The following DOCK2 variants were observed in gnomAD, a reference collection of about 807,000 sequenced individuals.
DOCK2 encodes dedicator of cytokinesis protein 2.
Under a neutral mutation model 248.9 loss-of-function variants are expected in DOCK2, and 87 were observed. The ratio of observed to expected loss-of-function variants is 0.35; its 90% CI spans 0.29 to 0.42. DOCK2 has a LOEUF of 0.42. Ranked by LOEUF, DOCK2 falls within the 10% of genes least tolerant of loss-of-function variation. The pLI, the probability that DOCK2 is intolerant of heterozygous loss-of-function variation, is 1.00. For synonymous variants in DOCK2, 805 were observed against 821.6 expected (o/e 0.98, Z 0.35); for missense variants, 1,747 against 2,300.2 (o/e 0.76, Z 4.92).
At chr5:169,750,781 A>G (rs1402049506) in intron 23 of DOCK2, among the ~76,000 whole-genome samples, 5 of 152,188 alleles carry the variant, frequency 3.3e-5, no homozygotes, top group African/African-American at 7.2e-5. Flanking sequence ...TTACATAGCT[A>G]TTGAAAAGTT....
intron 25 of DOCK2, among the ~76,000 whole-genome samples, chr5:169,789,396 G>A (rs1284422681): frequency 3.9e-5 from 6 of 152,202 alleles, no homozygotes; most frequent in African/African-American, 1.4e-4. Flanking sequence ...GGATCAAATG[G>A]TAGTTCTGTG....
Position 170,042,042 on chromosome 5 carries a change from C to A in DOCK2, c.3786C>A (p.Val1262=). The change falls in exon 38 of 52, where the codon GTC becomes GTA. Residue 1262 remains valine, a synonymous_variant. Coordinates refer to ENST00000520908, the MANE Select transcript of DOCK2 (RefSeq NM_004946.3). ...KWSDEQCASQ[V]MQTGQQHPQT... The stretch of plus-strand genomic sequence containing the variant: ...CGGATGAGCAGTGTGCATCACAGGT[C>A]ATGCAGACAGGCCAGCAGCACCCCC... 6.2e-7 allele frequency: 1 copy of A among 1,613,642 alleles called. No homozygotes were observed. The highest frequency in any genetic ancestry group is 1.1e-5 in the South Asian group (1 of 91,034).
At chr5:170,054,959 T>C (rs1757067754) in intron 41 of DOCK2, among the ~76,000 whole-genome samples, 1 of 152,206 alleles carries the variant, frequency 6.6e-6, no homozygotes, top group Non-Finnish European at 1.5e-5. Context: ...GGAGATCAAA[T>C]GAGATCATGG....
Position 169,674,284 on chromosome 5 carries a change from T to G in DOCK2, c.322-13T>G, listed in dbSNP as rs563866643. On this transcript the variant is annotated splice_polypyrimidine_tract_variant and intron_variant, in intron 5 of 51. Transcript: ENST00000520908. ...TTAACACAGGTAATTATGGGTTGTTTCTTGTCTCCTAGGCCAGCAAAAAGG... is the reference window on the plus strand; with the variant it reads ...TTAACACAGGTAATTATGGGTTGTTGCTTGTCTCCTAGGCCAGCAAAAAGG... 3.1e-6 allele frequency: 5 copies of G among 1,613,418 alleles called. No individual in the cohort carries two copies. The African/African-American group carries it at 4.0e-5, about 13-fold the overall frequency.
At chr5:169,845,212 A>G (rs1770233572) in intron 27 of DOCK2, among the ~76,000 whole-genome samples, 1 of 148,088 alleles carries the variant, frequency 6.8e-6, no homozygotes, top group South Asian at 2.2e-4. Context: ...TGCCACTTCC[A>G]TTCACCCACC....
At chr5:169,765,790 T>TG (rs1764748786) in intron 25 of DOCK2, among the ~76,000 whole-genome samples, 1 of 146,470 alleles carries the variant, frequency 6.8e-6, no homozygotes, top group Middle Eastern at 3.4e-3. Flanking sequence ...TTTCAGCTGG[T>TG]GGGTTTTTTT....
intron 27 of DOCK2, among the ~76,000 whole-genome samples, chr5:169,953,714 C>T (rs955374016): frequency 2.1e-4 from 32 of 152,120 alleles, no homozygotes; most frequent in African/African-American, 7.5e-4. Context: ...GTGAACTCCT[C>T]ATTAGGGACA....
rs1190989934 is a variant in DOCK2, at chr5:170,041,148, A to G, written c.3756+3A>G. ...TTCTCCACACCTGGCTTCTCAAGGT[A>G]CAGTCACTTTGGGTGAAGGGCATTT... On this transcript the variant is annotated splice_donor_region_variant and intron_variant, in intron 37 of 51. Transcript: ENST00000520908. 1.9e-6 allele frequency: 3 copies of G among 1,612,974 alleles called. No individual in the cohort carries two copies. The highest frequency in any genetic ancestry group is 8.5e-7 in the Non-Finnish European group (1 of 1,178,908).
intron 32 of DOCK2, among the ~76,000 whole-genome samples, chr5:170,012,975 G>A (rs761688194): frequency 2.3e-4 from 35 of 152,212 alleles, no homozygotes; most frequent in Admixed American, 3.3e-4. Context: ...AGCTTGGTGC[G>A]GAGGTCCAGG....
At chr5:170,045,713 C>G in intron 38 of DOCK2, 103 bp from the exon 39 acceptor site, 1 of 1,174,644 alleles carries the variant, frequency 8.5e-7, no homozygotes, top group Admixed American at 1.7e-5. Flanking sequence ...CAAGGTTTCC[C>G]CTCAGTCCCA....
chr5:169,935,043 TAGAA>T (rs1447592220), intron 27 of DOCK2, among the ~76,000 whole-genome samples: 2 of 152,096 alleles, frequency 1.3e-5, no homozygotes, highest in East Asian at 3.9e-4. Flanking sequence ...GGAAAATTAA[TAGAA>T]AGAGCACTGG....
At chr5:169,896,716 G>A (rs1325420121) in intron 27 of DOCK2, among the ~76,000 whole-genome samples, 1 of 152,136 alleles carries the variant, frequency 6.6e-6, no homozygotes, top group Non-Finnish European at 1.5e-5. Flanking sequence ...CTCACTAGTC[G>A]CCACTCAAAC....
intron 1 of DOCK2, among the ~76,000 whole-genome samples, chr5:169,649,511 G>T (rs990392389): frequency 1.3e-5 from 2 of 152,172 alleles, no homozygotes; most frequent in Admixed American, 6.5e-5. Context: ...TGGGCCAGGC[G>T]CTAGGAATTC....
intron 27 of DOCK2, among the ~76,000 whole-genome samples, chr5:169,946,397 T>G (rs1776450321): frequency 6.6e-6 from 1 of 152,220 alleles, no homozygotes; most frequent in Non-Finnish European, 1.5e-5. Context: ...AGGAGCTACC[T>G]TTATGTTTCT....
intron 38 of DOCK2, among the ~76,000 whole-genome samples, chr5:170,042,569 C>G (rs545775453): frequency 2.0e-5 from 3 of 152,340 alleles, no homozygotes; most frequent in South Asian, 2.1e-4. Context: ...TGGGGTCCCT[C>G]TTGCTCACGT....
At chr5:170,000,190 G>C (rs1754784473) in intron 30 of DOCK2, 2 of 152,206 alleles carry the variant, frequency 1.3e-5, no homozygotes, top group Non-Finnish European at 2.9e-5. Context: ...CAGAAGCAAA[G>C]AACACTGCCC....
chr5:170,041,092 G>T lies in DOCK2; in HGVS notation c.3703G>T (p.Asp1235Tyr), dbSNP rs758284758. The T allele has an allele frequency of 6.2e-7, 1 of 1,614,138 alleles. No individual in the cohort carries two copies. The highest frequency in any genetic ancestry group is 8.5e-7 in the Non-Finnish European group (1 of 1,180,026). ...ACTCCGCGATCTTCACCTGGACTGT[G>T]ACAATTACACAGAGGCTGCCTACAC... is the stretch of plus-strand genomic sequence containing the variant. The part of the protein sequence containing the change: ...YKLRDLHLDC[D>Y]NYTEAAYTLL... Residue 1235 changes from aspartate to tyrosine, a missense_variant, in exon 37 of 52, where the codon GAC (aspartate) becomes TAC (tyrosine). Asp to Tyr is a radical substitution (Grantham distance 160). Transcript: ENST00000520908.
chr5:169,693,025 G>C (rs890203857), intron 9 of DOCK2, among the ~76,000 whole-genome samples: 1 of 152,134 alleles, frequency 6.6e-6, no homozygotes, highest in African/African-American at 2.4e-5. Context: ...GTGTGGGGGT[G>C]GGGGAGCAAT....
chr5:169,797,651 C>T (rs1484385279), intron 25 of DOCK2, among the ~76,000 whole-genome samples: 2 of 152,206 alleles, frequency 1.3e-5, no homozygotes, highest in African/African-American at 4.8e-5. Context: ...ATAATTTGGA[C>T]TTGTCACTCG....
Sources: gnomAD v4.1 joint callset for allele counts (sites outside exome capture counted in the v4.1 genomes callset) on GRCh38, gnomAD v4.1.1 for gene constraint, MANE v1.5 for transcripts, NCBI Gene and HGNC (gene_info 2026-07-23, HGNC 2026-07-21) for gene names.